TRAPPC8: variants seen among roughly 807,000 people sequenced by gnomAD.
TRAPPC8 encodes the protein general sporulation gene 1 homolog.
Under a neutral mutation model 174.3 loss-of-function variants are expected in TRAPPC8, and 54 were observed. That is an observed-to-expected ratio of 0.31 (90% CI 0.25 to 0.39). The LOEUF (loss-of-function observed/expected upper bound fraction) is 0.39, where lower values mean the gene tolerates loss of function less well. Ranked by LOEUF, TRAPPC8 falls within the 10% of genes least tolerant of loss-of-function variation. The pLI is 1.00. For synonymous variants in TRAPPC8, 630 were observed against 579.9 expected (o/e 1.09, Z -1.24); for missense variants, 1,531 against 1,699.1 (o/e 0.90, Z 1.74).
chr18:31,862,341 TA>T (rs143772464), intron 19 of TRAPPC8, among the ~76,000 whole-genome samples: 6,591 of 146,702 alleles, frequency 0.045, 204 homozygotes, highest in Non-Finnish European at 0.066. Context: ...CTTGCCAGAT[TA>T]AAAAAAAAAA....
At chr18:31,850,572 A>G (rs1027595863) in intron 24 of TRAPPC8, among the ~76,000 whole-genome samples, 2 of 152,218 alleles carry the variant, frequency 1.3e-5, no homozygotes, top group Admixed American at 1.3e-4. Context: ...ATGCCACATA[A>G]TAACATCTTT....
intron 1 of TRAPPC8, 84 bp downstream of exon 1, chr18:31,942,524 C>T: frequency 1.4e-6 from 2 of 1,423,038 alleles, no homozygotes; most frequent in Non-Finnish European, 1.9e-6. Flanking sequence ...AAACACTGCC[C>T]TTCTCTTCCC....
chr18:31,856,870 G>A (rs978264496), intron 20 of TRAPPC8, among the ~76,000 whole-genome samples: 2 of 139,104 alleles, frequency 1.4e-5, no homozygotes, highest in African/African-American at 5.6e-5. Flanking sequence ...GGAGGACAAC[G>A]GTATAATCAC....
chr18:31,916,616 T>C (rs576704700), intron 3 of TRAPPC8, among the ~76,000 whole-genome samples, 170 bp from the exon 4 acceptor site: 59 of 152,304 alleles, frequency 3.9e-4, no homozygotes, highest in Admixed American at 8.5e-4. Flanking sequence ...CAACACAACC[T>C]CCGCCTCCCA....
chr18:31,940,776 C>T (rs542769601), intron 1 of TRAPPC8, among the ~76,000 whole-genome samples: 22 of 152,204 alleles, frequency 1.4e-4, no homozygotes, highest in Non-Finnish European at 2.2e-4. Flanking sequence ...GGATTACAAG[C>T]GTGAGCCACC....
At chr18:31,931,607 A>G (rs2037848585) in intron 1 of TRAPPC8, 84 bp from the exon 2 acceptor site, 2 of 1,069,082 alleles carry the variant, frequency 1.9e-6, no homozygotes, top group Non-Finnish European at 2.6e-6. Flanking sequence ...TTTACAAACA[A>G]AAAGGATGTA....
At chr18:31,842,705 A>G (rs747912172) in intron 26 of TRAPPC8, among the ~76,000 whole-genome samples, 3 of 152,252 alleles carry the variant, frequency 2.0e-5, no homozygotes, top group Non-Finnish European at 1.5e-5. Flanking sequence ...GAAATGCTGC[A>G]AAATCCAAAA....
chr18:31,928,872 G>A (rs1307916528), intron 2 of TRAPPC8, among the ~76,000 whole-genome samples: 4 of 152,160 alleles, frequency 2.6e-5, no homozygotes, highest in Admixed American at 2.0e-4. Flanking sequence ...AAAGGTCTAC[G>A]AGAGGCCTTA....
chr18:31,839,054 T>C (rs2032938191), intron 27 of TRAPPC8, among the ~76,000 whole-genome samples: 1 of 152,210 alleles, frequency 6.6e-6, no homozygotes, highest in Non-Finnish European at 1.5e-5. Flanking sequence ...ACTTCTTATT[T>C]TTAGAATTTT....
chr18:31,936,053 T>TA (rs920595810), intron 1 of TRAPPC8, among the ~76,000 whole-genome samples: 7 of 151,298 alleles, frequency 4.6e-5, no homozygotes, highest in African/African-American at 1.7e-4. Flanking sequence ...CCCATCTCTA[T>TA]AAAAAAATTT....
At chr18:31,898,024 G>A in intron 10 of TRAPPC8, 133 bp from the exon 11 acceptor site, 2 of 649,944 alleles carry the variant, frequency 3.1e-6, no homozygotes, top group East Asian at 3.1e-5. Context: ...GACCCTCCAG[G>A]ATACTAAAAT....
At chr18:31,942,121 TCAGA>T (rs1234554984) in intron 1 of TRAPPC8, among the ~76,000 whole-genome samples, 2 of 152,344 alleles carry the variant, frequency 1.3e-5, no homozygotes, top group Admixed American at 6.5e-5. Context: ...ACACGGTAGT[TCAGA>T]CAGAGATGAC....
At chr18:31,931,625 G>A in intron 1 of TRAPPC8, 102 bp from the exon 2 acceptor site, 3 of 845,620 alleles carry the variant, frequency 3.5e-6, no homozygotes, top group South Asian at 2.6e-5. Context: ...GTACAAAGCA[G>A]AAGCCAGCAA....
chr18:31,872,086 T>A (rs12604921), intron 14 of TRAPPC8, among the ~76,000 whole-genome samples: 2 of 152,130 alleles, frequency 1.3e-5, no homozygotes, highest in African/African-American at 4.8e-5. Flanking sequence ...CCAAATAGTA[T>A]ACATTGTACC....
chr18:31,859,577 T>C (rs1281224638), intron 19 of TRAPPC8, among the ~76,000 whole-genome samples: 1 of 152,098 alleles, frequency 6.6e-6, no homozygotes, highest in Non-Finnish European at 1.5e-5. Context: ...CACACTAAAA[T>C]ACATAGAGAC....
intron 19 of TRAPPC8, among the ~76,000 whole-genome samples, chr18:31,863,739 T>A (rs2034446525): frequency 6.6e-6 from 1 of 152,068 alleles, no homozygotes; most frequent in Non-Finnish European, 1.5e-5. Context: ...AGGGCCTTTT[T>A]CACCCTTACA....
At chr18:31,933,200 C>G (rs1282375282) in intron 1 of TRAPPC8, among the ~76,000 whole-genome samples, 1 of 148,204 alleles carries the variant, frequency 6.7e-6, no homozygotes, top group African/African-American at 2.5e-5. Flanking sequence ...ACTTGGGAGG[C>G]TGAAGCAGGA....
intron 19 of TRAPPC8, among the ~76,000 whole-genome samples, chr18:31,861,879 T>G (rs1280203883): frequency 8.8e-6 from 1 of 113,704 alleles, no homozygotes; most frequent in Non-Finnish European, 1.6e-5. Flanking sequence ...TGATCAGAGA[T>G]CATACCAAGC....
intron 19 of TRAPPC8, among the ~76,000 whole-genome samples, chr18:31,863,990 A>ATATTATAATACTTTATTATAATATGT (rs2034460213): frequency 1.3e-5 from 2 of 148,712 alleles, no homozygotes; most frequent in Admixed American, 6.7e-5. Context: ...ATTATAGAAC[A>ATATTATAATACTTTATTATAATATGT]TATTATAATA....
Sources: allele counts gnomAD v4.1 joint callset (sites outside exome capture counted in the v4.1 genomes callset), GRCh38; gene constraint gnomAD v4.1.1; transcripts MANE v1.5; gene names NCBI Gene and HGNC (gene_info 2026-07-23, HGNC 2026-07-21).